Variants in TNFSF4 observed in about 807,000 individuals in gnomAD.
The protein encoded by TNFSF4 is tumor necrosis factor ligand superfamily member 4.
TNFSF4 carries 4 observed loss-of-function variants against 7.3 expected under a neutral mutation model. The observed-to-expected ratio is 0.55, with a 90% CI of 0.27 to 1.25. The LOEUF (loss-of-function observed/expected upper bound fraction) is 1.25. Among genes scored for constraint, TNFSF4 ranks in the 50% most tolerant of loss-of-function variants. The probability of loss-of-function intolerance (pLI) is 0.12; values close to 1 mark genes in which losing one functional copy is unlikely to be tolerated. For missense variants in TNFSF4, 181 were observed against 208.8 expected (o/e 0.87, Z 0.82); for synonymous variants, 76 against 83.7 (o/e 0.91, Z 0.50).
At chr1:173,304,949 T>C in the TNFSF4 span, among the ~76,000 whole-genome samples, 2 of 151,992 alleles carry the variant, frequency 1.3e-5, no homozygotes, top group Non-Finnish European at 2.9e-5. Context: ...TTGGTGGACA[T>C]TTTGTAAAAT....
At chr1:173,446,730 T>G in the TNFSF4 span, among the ~76,000 whole-genome samples, 1 of 152,204 alleles carries the variant, frequency 6.6e-6, no homozygotes, top group Admixed American at 6.6e-5. Context: ...GGATGCTTCA[T>G]GCCCTCAAAC....
the TNFSF4 span, among the ~76,000 whole-genome samples, chr1:173,313,925 G>A: frequency 6.6e-6 from 1 of 152,006 alleles, no homozygotes; most frequent in Non-Finnish European, 1.5e-5. Flanking sequence ...TATGTCAGAT[G>A]TGACTACTAT....
chr1:173,359,216 T>C, the TNFSF4 span, among the ~76,000 whole-genome samples: 1 of 152,104 alleles, frequency 6.6e-6, no homozygotes, highest in African/African-American at 2.4e-5. Context: ...TCTAACTCAT[T>C]TGAATGTCCA....
At chr1:173,362,729 C>T in the TNFSF4 span, 1 of 395,758 alleles carries the variant, frequency 2.5e-6, no homozygotes, top group Non-Finnish European at 5.0e-6. Context: ...CAACTTCTTA[C>T]TTTCAACACA....
chr1:173,324,491 A>G, the TNFSF4 span, among the ~76,000 whole-genome samples: 30 of 152,240 alleles, frequency 2.0e-4, no homozygotes, highest in Non-Finnish European at 3.5e-4. Flanking sequence ...TCATAATAGC[A>G]GGATCAAATT....
the TNFSF4 span, among the ~76,000 whole-genome samples, chr1:173,387,445 T>C: frequency 6.6e-6 from 1 of 152,208 alleles, no homozygotes; most frequent in East Asian, 1.9e-4. Context: ...AGCACCTTGA[T>C]CTTCAACTTC....
At chr1:173,197,908 A>C (rs1273894631) in intron 1 of TNFSF4, among the ~76,000 whole-genome samples, 1 of 152,358 alleles carries the variant, frequency 6.6e-6, no homozygotes, top group East Asian at 1.9e-4. Context: ...TTGGATTCTA[A>C]ATTCCAAACG....
chr1:173,229,362 C>T, the TNFSF4 span, among the ~76,000 whole-genome samples: 1 of 152,182 alleles, frequency 6.6e-6, no homozygotes, highest in Admixed American at 6.5e-5. Flanking sequence ...AAATAAAATC[C>T]TTTACAGACA....
chr1:173,213,163 C>G, the TNFSF4 span, among the ~76,000 whole-genome samples: 1 of 152,214 alleles, frequency 6.6e-6, no homozygotes, highest in Non-Finnish European at 1.5e-5. Context: ...ACCGGATGCA[C>G]ACCATTAGTT....
the TNFSF4 span, among the ~76,000 whole-genome samples, chr1:173,262,312 A>G: frequency 0.64 from 97,126 of 152,032 alleles, 33,492 homozygotes; most frequent in African/African-American, 0.91. Context: ...AATAAAATAG[A>G]TGTTGATGGA....
rs972879710 is a variant in TNFSF4, at chr1:173,185,207, T to C, written c.*1309A>G. The C allele has an allele frequency of 6.6e-6, 1 of 152,140 alleles. No individual in the cohort carries two copies. The highest frequency in any genetic ancestry group is 1.5e-5 in the Non-Finnish European group (1 of 68,036). 9.4% of individuals were successfully genotyped at this position (152,140 alleles called of 1,614,324 possible). A position where few individuals can be genotyped will look rare whatever the true frequency, so the allele number is the denominator to read the frequency against. On this transcript the variant is annotated 3_prime_UTR_variant, in exon 3 of 3. Coordinates refer to ENST00000281834, the MANE Select transcript of TNFSF4 (RefSeq NM_003326.5). ...ATGTGCTACAATTTTAAAATACATATCTCAAAAATTTATGTTTATAAAAGG... is the reference window on the plus strand; with the variant it reads ...ATGTGCTACAATTTTAAAATACATACCTCAAAAATTTATGTTTATAAAAGG...
chr1:173,410,950 C>A, the TNFSF4 span, among the ~76,000 whole-genome samples: 13 of 152,312 alleles, frequency 8.5e-5, no homozygotes, highest in East Asian at 2.5e-3. Flanking sequence ...TGTACCCAGT[C>A]TGGACTAGTC....
At chr1:173,368,579 A>G in the TNFSF4 span, among the ~76,000 whole-genome samples, 1 of 152,074 alleles carries the variant, frequency 6.6e-6, no homozygotes, top group Non-Finnish European at 1.5e-5. Context: ...GGGCTCTCTA[A>G]CCATCCCTGA....
chr1:173,277,977 G>C, the TNFSF4 span, among the ~76,000 whole-genome samples: 1 of 152,052 alleles, frequency 6.6e-6, no homozygotes, highest in East Asian at 1.9e-4. Flanking sequence ...AGAATCCCAG[G>C]GAGTGTAAAA....
the TNFSF4 span, among the ~76,000 whole-genome samples, chr1:173,306,886 T>C: frequency 6.6e-6 from 1 of 151,816 alleles, no homozygotes; most frequent in African/African-American, 2.4e-5. Context: ...AGCTCAGGCC[T>C]CCAACTCTCA....
intron 1 of TNFSF4, chr1:173,205,162 T>A (rs1190114016): frequency 1.1e-6 from 1 of 882,098 alleles, no homozygotes; most frequent in Non-Finnish European, 1.7e-6. Flanking sequence ...AGTGAAGAAC[T>A]TCAAATATCC....
the TNFSF4 span, among the ~76,000 whole-genome samples, chr1:173,292,802 G>C: frequency 6.6e-6 from 1 of 152,100 alleles, no homozygotes; most frequent in South Asian, 2.1e-4. Flanking sequence ...AAGGTTTCAG[G>C]ATATAAAATC....
At chr1:173,428,352 ATAC>A in the TNFSF4 span, among the ~76,000 whole-genome samples, 1 of 152,330 alleles carries the variant, frequency 6.6e-6, no homozygotes, top group African/African-American at 2.4e-5. Flanking sequence ...AAAATGGAGG[ATAC>A]TGTTACAGAG....
chr1:173,401,403 G>T, the TNFSF4 span, among the ~76,000 whole-genome samples: 1 of 152,150 alleles, frequency 6.6e-6, no homozygotes, highest in Non-Finnish European at 1.5e-5. Flanking sequence ...AAGATTATTT[G>T]TGAGTGTGTC....
Sources: gnomAD v4.1 joint callset for allele counts (sites outside exome capture counted in the v4.1 genomes callset) on GRCh38, gnomAD v4.1.1 for gene constraint, MANE v1.5 for transcripts, NCBI Gene and HGNC (gene_info 2026-07-23, HGNC 2026-07-21) for gene names.